Variants in TSHR observed in about 807,000 individuals in gnomAD.
TSHR encodes thyroid stimulating hormone receptor.
In TSHR, 51 loss-of-function variants were observed where a neutral mutation model predicts 64.1. The observed-to-expected ratio is 0.80, with a 90% CI of 0.64 to 1.01. The LOEUF (loss-of-function observed/expected upper bound fraction) is 1.01. Among genes scored for constraint, TSHR ranks in the 50% least tolerant of loss-of-function variants. The pLI, the probability that TSHR is intolerant of heterozygous loss-of-function variation, is 0.00. For missense variants in TSHR, 877 were observed against 942.8 expected (o/e 0.93, Z 0.91); for synonymous variants, 361 against 361.9 (o/e 1.00, Z 0.03).
intron 3 of TSHR, chr14:81,087,457 GA>G (rs1888367415): frequency 5.1e-6 from 1 of 197,536 alleles, no homozygotes; most frequent in Non-Finnish European, 1.0e-5. Context: ...AGTGAACTGT[GA>G]AGACTTACCA....
intron 8 of TSHR, among the ~76,000 whole-genome samples, chr14:81,113,829 G>C (rs984800949): frequency 6.6e-6 from 1 of 151,966 alleles, no homozygotes; most frequent in Non-Finnish European, 1.5e-5. Flanking sequence ...GAGAATATAG[G>C]TGACACTGAA....
At chr14:81,131,148 C>T (rs986899438) in intron 8 of TSHR, among the ~76,000 whole-genome samples, 6 of 152,120 alleles carry the variant, frequency 3.9e-5, no homozygotes, top group South Asian at 2.1e-4. Context: ...CAGGAAATGG[C>T]AACTTCATTC....
intron 2 of TSHR, 86 bp from the exon 3 acceptor site, chr14:81,068,168 A>G (rs1240866929): frequency 1.5e-6 from 2 of 1,311,288 alleles, no homozygotes; most frequent in African/African-American, 2.9e-5. Flanking sequence ...GGAAGCGCAT[A>G]ACAAAAAGTT....
chr14:81,121,195 G>A (rs778330760), intron 8 of TSHR, among the ~76,000 whole-genome samples: 3 of 151,838 alleles, frequency 2.0e-5, no homozygotes, highest in Non-Finnish European at 4.4e-5. Flanking sequence ...AGGGTGGGGA[G>A]GCATGAAGGT....
Position 81,143,345 on chromosome 14 carries a change from C to T in TSHR, c.1287C>T (p.Leu429=), listed in dbSNP as rs770965842. 19 of 1,614,040 alleles carry T rather than the reference C, an allele frequency of 1.2e-5. No individual in the cohort carries two copies. In the African/African-American group the frequency reaches 1.6e-4, roughly 14 times the overall value. The change falls in exon 10 of 10, where the codon CTC becomes CTT. Residue 429 remains leucine, a synonymous_variant. Transcript: ENST00000298171. ...IVVWFVSLLA[L]LGNVFVLLIL... is the part of the protein sequence containing the mutation. Reference sequence around the variant, plus strand: ...TGTGGTTCGTTAGTCTGCTGGCTCTCCTGGGCAATGTCTTTGTCCTGCTTA... The same window carrying T: ...TGTGGTTCGTTAGTCTGCTGGCTCTTCTGGGCAATGTCTTTGTCCTGCTTA...
At chr14:81,032,476 A>G (rs1884398940) in intron 1 of TSHR, 2 of 329,890 alleles carry the variant, frequency 6.1e-6, no homozygotes, top group South Asian at 3.6e-5. Flanking sequence ...TGTAAAAGCA[A>G]CAAGGGAGTT....
intron 1 of TSHR, among the ~76,000 whole-genome samples, chr14:81,016,446 G>A (rs887439012): frequency 2.0e-5 from 3 of 151,076 alleles, no homozygotes; most frequent in Non-Finnish European, 2.9e-5. Flanking sequence ...GTGTTTCCAG[G>A]TCCTTTGACC....
intron 1 of TSHR, among the ~76,000 whole-genome samples, chr14:81,027,782 A>C (rs1158936938): frequency 6.6e-6 from 1 of 152,216 alleles, no homozygotes; most frequent in Non-Finnish European, 1.5e-5. Flanking sequence ...GGTTAAAATG[A>C]CTTCAGGAAA....
chr14:81,019,536 T>C (rs1883621128), intron 1 of TSHR, among the ~76,000 whole-genome samples: 2 of 150,992 alleles, frequency 1.3e-5, no homozygotes, highest in Admixed American at 1.3e-4. Flanking sequence ...GGTATACATG[T>C]GCCATGGCTG....
At chr14:81,095,681 A>G (rs1040944566) in intron 6 of TSHR, 7 of 152,238 alleles carry the variant, frequency 4.6e-5, no homozygotes, top group Non-Finnish European at 1.0e-4. Context: ...AGGAAATAGA[A>G]GTAATAACAT....
intron 3 of TSHR, among the ~76,000 whole-genome samples, chr14:81,069,276 G>A (rs893748966): frequency 6.6e-5 from 10 of 152,084 alleles, no homozygotes; most frequent in African/African-American, 2.2e-4. Flanking sequence ...AAGGGACAGG[G>A]CCACAATCTT....
At chr14:81,098,886 C>T (rs2140005340) in intron 7 of TSHR, among the ~76,000 whole-genome samples, 1 of 152,222 alleles carries the variant, frequency 6.6e-6, no homozygotes, top group South Asian at 2.1e-4. Context: ...TTAATTTTTC[C>T]ACAAGCAAAA....
intron 3 of TSHR, among the ~76,000 whole-genome samples, chr14:81,069,966 CTA>C (rs1886939706): frequency 6.6e-6 from 1 of 152,042 alleles, no homozygotes; most frequent in Admixed American, 6.6e-5. Context: ...GTTGTAAACT[CTA>C]GAATCTAAAA....
At chr14:81,089,224 G>A (rs1888534907) in intron 4 of TSHR, among the ~76,000 whole-genome samples, 1 of 152,074 alleles carries the variant, frequency 6.6e-6, no homozygotes, top group Non-Finnish European at 1.5e-5. Flanking sequence ...CTGACCTCAG[G>A]TGATCCACCC....
chr14:81,008,241 C>T (rs1202563839), intron 1 of TSHR, among the ~76,000 whole-genome samples: 3 of 150,538 alleles, frequency 2.0e-5, no homozygotes, highest in South Asian at 2.1e-4. Flanking sequence ...GGCATGATCT[C>T]GGCTCACTGC....
chr14:81,020,072 A>G (rs759246781), intron 1 of TSHR, among the ~76,000 whole-genome samples: 52 of 152,168 alleles, frequency 3.4e-4, no homozygotes, highest in Non-Finnish European at 6.6e-4. Context: ...TTACACTCCT[A>G]CCAACAGTGT....
At chr14:81,142,109 A>C (rs184578718) in intron 9 of TSHR, among the ~76,000 whole-genome samples, 6 of 151,688 alleles carry the variant, frequency 4.0e-5, no homozygotes, top group Non-Finnish European at 8.8e-5. Flanking sequence ...ACAGAGTCTC[A>C]CTCTGTCGCC....
chr14:81,113,200 G>C (rs953272431), intron 8 of TSHR, among the ~76,000 whole-genome samples: 11 of 152,304 alleles, frequency 7.2e-5, no homozygotes, highest in African/African-American at 2.6e-4. Flanking sequence ...CAGCAGTAGA[G>C]ATGATGAGAA....
At chr14:81,107,896 T>C (rs1889997273) in intron 7 of TSHR, among the ~76,000 whole-genome samples, 1 of 152,190 alleles carries the variant, frequency 6.6e-6, no homozygotes. Context: ...TCTGACAACT[T>C]TACCCAAAGA....
Sources: allele counts gnomAD v4.1 joint callset (sites outside exome capture counted in the v4.1 genomes callset), GRCh38; gene constraint gnomAD v4.1.1; transcripts MANE v1.5; gene names NCBI Gene and HGNC (gene_info 2026-07-23, HGNC 2026-07-21).